RGS8: variants seen among roughly 807,000 people sequenced by gnomAD.
RGS8 encodes regulator of G protein signaling 8.
RGS8 carries 8 observed loss-of-function variants against 21.7 expected under a neutral mutation model. The observed-to-expected ratio is 0.37, with a 90% CI of 0.22 to 0.66. The LOEUF (loss-of-function observed/expected upper bound fraction) is 0.66, where lower values mean the gene tolerates loss of function less well. Among genes scored for constraint, RGS8 ranks in the 30% least tolerant of loss-of-function variants. The pLI is 0.59. For missense variants in RGS8, 157 were observed against 217.9 expected (o/e 0.72, Z 1.76); for synonymous variants, 80 against 83.6 (o/e 0.96, Z 0.24).
intron 5 of RGS8, among the ~76,000 whole-genome samples, chr1:182,660,055 CA>C (rs1663510026): frequency 6.6e-6 from 1 of 152,180 alleles, no homozygotes; most frequent in African/African-American, 2.4e-5. Flanking sequence ...TGGCATATAA[CA>C]GGCATGAAAT....
At chr1:182,718,921 G>T in the RGS8 span, among the ~76,000 whole-genome samples, 2 of 152,162 alleles carry the variant, frequency 1.3e-5, no homozygotes, top group Non-Finnish European at 2.9e-5. Context: ...AATAGCGTCG[G>T]ATGGAAATGG....
upstream of RGS8, among the ~76,000 whole-genome samples, chr1:182,675,687 C>T (rs1664333657): frequency 1.3e-5 from 2 of 152,292 alleles, no homozygotes; most frequent in South Asian, 4.1e-4. Flanking sequence ...TCCCTAAACC[C>T]ATTACCTCAA....
chr1:182,662,826 C>T (rs1663660004), intron 5 of RGS8, among the ~76,000 whole-genome samples: 1 of 152,218 alleles, frequency 6.6e-6, no homozygotes, highest in Admixed American at 6.5e-5. Context: ...TGTGCTTCCC[C>T]TCCTCCAGCT....
intron 1 of RGS8, among the ~76,000 whole-genome samples, chr1:182,682,205 A>G (rs1454090164): frequency 6.6e-6 from 1 of 152,232 alleles, no homozygotes; most frequent in Non-Finnish European, 1.5e-5. Flanking sequence ...GTTGTGCTAT[A>G]CAAATGTGAG....
chr1:182,707,742 T>G, the RGS8 span, among the ~76,000 whole-genome samples: 1 of 152,226 alleles, frequency 6.6e-6, no homozygotes, highest in African/African-American at 2.4e-5. Context: ...GGAGTCGCTC[T>G]GTCGCCCAGG....
upstream of RGS8, chr1:182,672,891 G>A (rs144851628): frequency 3.8e-4 from 608 of 1,605,280 alleles, 1 homozygote; most frequent in African/African-American, 7.1e-3. Flanking sequence ...TAGTGTAGTG[G>A]TTCTCCAAGC....
chr1:182,649,007 G>C (rs980798596), intron 5 of RGS8, among the ~76,000 whole-genome samples: 2 of 152,094 alleles, frequency 1.3e-5, no homozygotes, highest in African/African-American at 2.4e-5. Flanking sequence ...AGCTGAGGTG[G>C]GAGAATTGCT....
upstream of RGS8, among the ~76,000 whole-genome samples, chr1:182,687,794 T>C (rs1260080908): frequency 6.6e-6 from 1 of 152,190 alleles, no homozygotes; most frequent in Non-Finnish European, 1.5e-5. Context: ...AAAAGGGAGA[T>C]GTTGTTGCCT....
At chr1:182,689,753 A>T in the RGS8 span, among the ~76,000 whole-genome samples, 2 of 152,160 alleles carry the variant, frequency 1.3e-5, no homozygotes, top group Non-Finnish European at 2.9e-5. Context: ...CACCATATGG[A>T]ACAATTTATA....
At chr1:182,672,858 G>C, upstream of RGS8, 1 of 1,614,036 alleles carries the variant, frequency 6.2e-7, no homozygotes, top group Middle Eastern at 1.6e-4. Context: ...GTTCCAGAAG[G>C]AGGACTCTCT....
At chr1:182,726,740 G>A in the RGS8 span, among the ~76,000 whole-genome samples, 1 of 151,886 alleles carries the variant, frequency 6.6e-6, no homozygotes, top group African/African-American at 2.4e-5. Context: ...AAACTAGAAA[G>A]TAATGCACTA....
At chr1:182,748,206 T>C in the RGS8 span, among the ~76,000 whole-genome samples, 14,646 of 152,272 alleles carry the variant, frequency 0.096, 745 homozygotes, top group East Asian at 0.14. Flanking sequence ...TCTCTTGAAA[T>C]TTATTCCTCT....
At chr1:182,707,759 T>G in the RGS8 span, among the ~76,000 whole-genome samples, 280 of 152,296 alleles carry the variant, frequency 1.8e-3, 2 homozygotes, top group African/African-American at 5.5e-3. Flanking sequence ...CAGGCTGGAG[T>G]GCAGTGGCAT....
chr1:182,695,513 G>T, the RGS8 span, among the ~76,000 whole-genome samples: 2 of 152,062 alleles, frequency 1.3e-5, no homozygotes, highest in African/African-American at 4.8e-5. Context: ...TAAGAGGTAG[G>T]GTCTTCCTAT....
the RGS8 span, among the ~76,000 whole-genome samples, chr1:182,742,546 G>C: frequency 6.6e-6 from 1 of 152,222 alleles, no homozygotes; most frequent in African/African-American, 2.4e-5. Flanking sequence ...AGACCAGCCC[G>C]GCCAACACAG....
At chr1:182,654,199 T>C (rs1298239501) in intron 5 of RGS8, among the ~76,000 whole-genome samples, 1 of 152,158 alleles carries the variant, frequency 6.6e-6, no homozygotes, top group Non-Finnish European at 1.5e-5. Context: ...CAGGTCCATA[T>C]GACTCCAAAG....
At chr1:182,713,908 A>T in the RGS8 span, among the ~76,000 whole-genome samples, 1 of 152,258 alleles carries the variant, frequency 6.6e-6, no homozygotes, top group Admixed American at 6.5e-5. Flanking sequence ...TACATAAAAC[A>T]GAAACAAGAA....
the RGS8 span, among the ~76,000 whole-genome samples, chr1:182,711,886 C>G: frequency 6.6e-6 from 1 of 152,178 alleles, no homozygotes; most frequent in Non-Finnish European, 1.5e-5. Flanking sequence ...TTCCACCATC[C>G]TAGAGCTTCT....
the RGS8 span, among the ~76,000 whole-genome samples, chr1:182,698,013 T>C: frequency 2.6e-5 from 4 of 152,186 alleles, no homozygotes; most frequent in African/African-American, 9.6e-5. Flanking sequence ...ATACTAGCAA[T>C]ACCAGGCAGG....
Sources: allele counts gnomAD v4.1 joint callset (sites outside exome capture counted in the v4.1 genomes callset), GRCh38; gene constraint gnomAD v4.1.1; transcripts MANE v1.5; gene names NCBI Gene and HGNC (gene_info 2026-07-23, HGNC 2026-07-21).